PCDH15: variants seen among roughly 807,000 people sequenced by gnomAD.
PCDH15 encodes protocadherin related 15.
PCDH15 carries 129 observed loss-of-function variants against 178.5 expected under a neutral mutation model. The observed-to-expected ratio is 0.72, with a 90% CI of 0.63 to 0.84. The LOEUF (loss-of-function observed/expected upper bound fraction) is 0.84, where lower values mean the gene tolerates loss of function less well. Ranked by LOEUF, PCDH15 falls within the 40% of genes least tolerant of loss-of-function variation. The pLI is 0.00. For synonymous variants in PCDH15, 800 were observed against 732.0 expected (o/e 1.09, Z -1.50); for missense variants, 2,230 against 2,099.9 (o/e 1.06, Z -1.21).
rs542389212 is a variant in PCDH15, at chr10:54,295,574, G to C, written c.876+21697C>G. 1.7e-3 allele frequency among the ~76,000 whole-genome samples: 254 copies of C among 152,244 alleles called. 1 individual carries two copies. The highest frequency in any genetic ancestry group is 5.9e-3 in the African/African-American group (247 of 41,530). On this transcript the variant is annotated intron_variant, in intron 8 of 37. Coordinates refer to ENST00000644397, the MANE Select transcript of PCDH15 (RefSeq NM_001384140.1). Reference sequence around the variant, plus strand: ...AGTCAGTGAGACTACAAACCCACTGGAAAGAAGAAACTCTGGACGTATCTG... The same window carrying C: ...AGTCAGTGAGACTACAAACCCACTGCAAAGAAGAAACTCTGGACGTATCTG...
chr10:54,349,375 C>G (rs758996821), intron 5 of PCDH15, among the ~76,000 whole-genome samples: 2 of 152,100 alleles, frequency 1.3e-5, no homozygotes, highest in African/African-American at 2.4e-5. Context: ...ATTTATATGA[C>G]AGAAATTTGT....
At chr10:55,394,904 G>A (rs907600105) in intron 2 of PCDH15, among the ~76,000 whole-genome samples, 18 of 151,924 alleles carry the variant, frequency 1.2e-4, no homozygotes, top group African/African-American at 3.9e-4. Context: ...CTTTAGGTTC[G>A]CACTCAACCA....
intron 25 of PCDH15, among the ~76,000 whole-genome samples, chr10:53,924,465 C>A (rs150410601): frequency 7.2e-5 from 11 of 152,184 alleles, no homozygotes; most frequent in African/African-American, 2.4e-4. Flanking sequence ...AGTGTCCCCC[C>A]GCCGTGGGCT....
At chr10:54,785,661 C>A (rs1413023913) in intron 1 of PCDH15, among the ~76,000 whole-genome samples, 1 of 151,936 alleles carries the variant, frequency 6.6e-6, no homozygotes, top group Non-Finnish European at 1.5e-5. Context: ...GATTTCAAGA[C>A]CTTCTATACT....
intron 15 of PCDH15, among the ~76,000 whole-genome samples, chr10:54,113,818 G>T (rs1272651563): frequency 6.6e-6 from 1 of 151,838 alleles, no homozygotes; most frequent in Non-Finnish European, 1.5e-5. Context: ...TGCTATTAAA[G>T]ACCCCAAACT....
chr10:55,462,834 T>A (rs1839708613), intron 2 of PCDH15, among the ~76,000 whole-genome samples: 1 of 152,110 alleles, frequency 6.6e-6, no homozygotes, highest in African/African-American at 2.4e-5. Flanking sequence ...TTATACTAAA[T>A]CCAAAATATT....
intron 3 of PCDH15, among the ~76,000 whole-genome samples, chr10:54,845,115 C>G (rs7476149): frequency 9.7e-4 from 147 of 151,596 alleles, no homozygotes; most frequent in African/African-American, 3.4e-3. Flanking sequence ...AAGGAAAAGC[C>G]TTTTTTTCTT....
At chr10:55,152,393 G>T (rs1386674529) in intron 2 of PCDH15, among the ~76,000 whole-genome samples, 2 of 152,028 alleles carry the variant, frequency 1.3e-5, no homozygotes, top group Non-Finnish European at 2.9e-5. Flanking sequence ...TTGAAAATTT[G>T]AATAAGTGAC....
chr10:55,516,473 A>G (rs72788829), intron 2 of PCDH15, among the ~76,000 whole-genome samples: 6,426 of 152,174 alleles, frequency 0.042, 205 homozygotes, highest in Middle Eastern at 0.092. Context: ...TCAATCAAAA[A>G]CTAAAGAAAA....
At chr10:54,404,139 T>G (rs192211470) in intron 3 of PCDH15, among the ~76,000 whole-genome samples, 3 of 151,840 alleles carry the variant, frequency 2.0e-5, no homozygotes, top group East Asian at 1.9e-4. Flanking sequence ...TTATAAATAT[T>G]CATATTTATT....
At chr10:55,277,885 T>C (rs1296096259) in intron 1 of PCDH15, among the ~76,000 whole-genome samples, 2 of 152,152 alleles carry the variant, frequency 1.3e-5, no homozygotes, top group Admixed American at 6.6e-5. Context: ...AAACAATATC[T>C]TGAAATATGT....
At chr10:55,035,588 G>A (rs937931935) in intron 2 of PCDH15, among the ~76,000 whole-genome samples, 3 of 151,952 alleles carry the variant, frequency 2.0e-5, no homozygotes, top group Admixed American at 6.6e-5. Flanking sequence ...GACTTTCTTG[G>A]GGCAAAAGCA....
chr10:54,094,868 G>A (rs1425244262), intron 15 of PCDH15, among the ~76,000 whole-genome samples: 1 of 152,098 alleles, frequency 6.6e-6, no homozygotes, highest in Non-Finnish European at 1.5e-5. Flanking sequence ...TAGAGTCCCT[G>A]ATTTTTCAGA....
chr10:55,305,911 T>C (rs894363199), intron 1 of PCDH15, among the ~76,000 whole-genome samples: 1 of 152,190 alleles, frequency 6.6e-6, no homozygotes, highest in Non-Finnish European at 1.5e-5. Context: ...GACAAAACAT[T>C]ATTACTATTC....
chr10:53,825,050 G>C, intron 32 of PCDH15: 1 of 1,385,506 alleles, frequency 7.2e-7, no homozygotes, highest in Non-Finnish European at 9.4e-7. Context: ...GAAGATCACT[G>C]TATTTACAGT....
At chr10:54,042,378 C>T (rs918422136) in intron 18 of PCDH15, among the ~76,000 whole-genome samples, 2 of 152,008 alleles carry the variant, frequency 1.3e-5, no homozygotes, top group Non-Finnish European at 2.9e-5. Flanking sequence ...GTCAAAAATG[C>T]TGTAAAGAAA....
intron 2 of PCDH15, among the ~76,000 whole-genome samples, chr10:55,384,149 T>G (rs1415106311): frequency 2.0e-5 from 3 of 152,176 alleles, no homozygotes; most frequent in Non-Finnish European, 4.4e-5. Flanking sequence ...TTAGACTTTG[T>G]TAATCTGTTT....
chr10:53,970,155 A>G (rs2089515721), intron 21 of PCDH15, among the ~76,000 whole-genome samples: 1 of 152,122 alleles, frequency 6.6e-6, no homozygotes, highest in African/African-American at 2.4e-5. Context: ...AAATAAAGGG[A>G]TGAAGATCTA....
chr10:54,152,000 A>G (rs972206203), intron 14 of PCDH15, among the ~76,000 whole-genome samples: 1 of 152,194 alleles, frequency 6.6e-6, no homozygotes, highest in African/African-American at 2.4e-5. Context: ...ATCAAAATCA[A>G]AACACATAAG....
Sources: gnomAD v4.1 joint callset for allele counts (sites outside exome capture counted in the v4.1 genomes callset) on GRCh38, gnomAD v4.1.1 for gene constraint, MANE v1.5 for transcripts, NCBI Gene and HGNC (gene_info 2026-07-23, HGNC 2026-07-21) for gene names.